The following TGFB1 variants were observed in gnomAD, a reference collection of about 807,000 sequenced individuals.
TGFB1 encodes transforming growth factor beta 1.
Under a neutral mutation model 43.8 loss-of-function variants are expected in TGFB1, and 19 were observed. That is an observed-to-expected ratio of 0.43 (90% CI 0.30 to 0.64). TGFB1 has a LOEUF of 0.64. Among genes scored for constraint, TGFB1 ranks in the 30% least tolerant of loss-of-function variants. The pLI is 0.11. For synonymous variants in TGFB1, 221 were observed against 236.3 expected, an observed-to-expected ratio of 0.94 and a Z score of 0.60; for missense variants, 445 against 529.8, an observed-to-expected ratio of 0.84 and a Z score of 1.57.
intron 5 of TGFB1, among the ~76,000 whole-genome samples, chr19:41,338,969 C>T (rs1053465019): frequency 2.7e-5 from 4 of 150,122 alleles, no homozygotes; most frequent in Admixed American, 6.7e-5. Context: ...ATGGGGGGTA[C>T]GTGTGTGTGT....
intron 1 of TGFB1, 87 bp downstream of exon 1, chr19:41,352,603 T>G (rs891852077): frequency 2.7e-6 from 4 of 1,493,644 alleles, no homozygotes; most frequent in Non-Finnish European, 2.7e-6. Context: ...GCCAGTTTCT[T>G]CTGCCAGTCA....
chr19:41,341,189 G>A (rs543019063), intron 5 of TGFB1, among the ~76,000 whole-genome samples: 37 of 152,100 alleles, frequency 2.4e-4, no homozygotes, highest in African/African-American at 8.0e-4. Context: ...AAATTAGGCC[G>A]GGCGCGTTGG....
At position 41,331,026 on chromosome 19, in the gene TGFB1, G is replaced by A. The variant is rs1396864756; in HGVS notation, c.*26C>T. ...GGGGCGGGGTGGGGCCGGGCCTGCCGGGGCGGGGCGGGGCGGGGCGGGACC... is the reference window on the plus strand; with the variant it reads ...GGGGCGGGGTGGGGCCGGGCCTGCCAGGGCGGGGCGGGGCGGGGCGGGACC... On this transcript the variant is annotated 3_prime_UTR_variant, in exon 7 of 7. Coordinates refer to ENST00000221930, the MANE Select transcript of TGFB1 (RefSeq NM_000660.7). 4.0e-5 allele frequency: 59 copies of A among 1,480,534 alleles called. No individual in the cohort carries two copies. Among genetic ancestry groups the A allele is most frequent in the Non-Finnish European group, 5.0e-5 (56 of 1,112,076 alleles). The allele number at this position is 1,480,534 out of a possible 1,614,324, so 91.7% of individuals were successfully genotyped here.
intron 2 of TGFB1, among the ~76,000 whole-genome samples, chr19:41,346,011 C>CT (rs752046778): frequency 1.1e-4 from 17 of 152,086 alleles, no homozygotes; most frequent in Admixed American, 2.0e-4. Flanking sequence ...ACCCAAGAGT[C>CT]TGCCATGCCG....
At chr19:41,348,232 C>A in intron 2 of TGFB1, 63 bp downstream of exon 2, 1 of 1,600,674 alleles carries the variant, frequency 6.2e-7, no homozygotes, top group Admixed American at 1.7e-5. Flanking sequence ...ACAGCCACCC[C>A]CTTGGTCACA....
chr19:41,331,552 G>A (rs541934757), intron 6 of TGFB1, among the ~76,000 whole-genome samples: 208 of 138,006 alleles, frequency 1.5e-3, no homozygotes, highest in African/African-American at 5.4e-3. Context: ...ACAGGCAAGC[G>A]CCACCACTCC....
Position 41,342,174 on chromosome 19 carries a change from G to C in TGFB1, c.708C>G (p.Ile236Met). The C allele has an allele frequency of 6.2e-7, 1 of 1,609,750 alleles. No homozygotes were observed. Among genetic ancestry groups the C allele is most frequent in the South Asian group, 1.1e-5 (1 of 90,290 alleles). The change falls in exon 4 of 7, where the codon ATC becomes ATG. Residue 236 changes from isoleucine to methionine, a missense_variant. Physicochemically the swap from Ile to Met is conservative, Grantham distance 10. Coordinates refer to ENST00000221930, the MANE Select transcript of TGFB1 (RefSeq NM_000660.7). ...GGCCGGGGAAGCAGGCCTCACCGTTGATGTCCACTTGCAGTGTGTTATCCC... is the reference window on the plus strand; with the variant it reads ...GGCCGGGGAAGCAGGCCTCACCGTTCATGTCCACTTGCAGTGTGTTATCCC... ...DSRDNTLQVD[I>M]NGFTTGRRGD...
rs2038061009 is a variant in TGFB1 at position 41,341,989 on chromosome 19, C to T, written c.754G>A (p.Gly252Ser). The T allele has an allele frequency of 6.2e-7, 1 of 1,614,096 alleles. No individual in the cohort carries two copies. Among genetic ancestry groups the T allele is most frequent in the Non-Finnish European group, 8.5e-7 (1 of 1,180,050 alleles). Reference protein sequence around the residue: ...GRRGDLATIHGMNRPFLLLMA... With the variant: ...GRRGDLATIHSMNRPFLLLMA... ...AGAAGCAGGAAAGGCCGGTTCATGC[C>T]ATGAATGGTGGCCAGGTCACCTCGG... The change falls in exon 5 of 7, where the codon GGC becomes AGC. Residue 252 changes from glycine to serine, a missense_variant. Physicochemically the swap from Gly to Ser is moderately conservative, Grantham distance 56. Around this residue, in one of 3 missense-constraint regions of TGFB1, gnomAD observed 366 missense variants for 428.8 expected, o/e 0.85. Transcript: ENST00000221930.
chr19:41,350,661 A>G (rs1026604798), intron 1 of TGFB1, among the ~76,000 whole-genome samples: 1 of 152,210 alleles, frequency 6.6e-6, no homozygotes, highest in Admixed American at 6.5e-5. Context: ...GGAACAGGCC[A>G]TGAACTGCTG....
intron 5 of TGFB1, among the ~76,000 whole-genome samples, chr19:41,337,202 C>G (rs555271407): frequency 6.6e-6 from 1 of 151,966 alleles, no homozygotes; most frequent in Admixed American, 6.6e-5. Flanking sequence ...AGTGCAATGG[C>G]GCGACCTCGG....
chr19:41,352,506 T>A (rs2038216347), intron 1 of TGFB1, among the ~76,000 whole-genome samples, 184 bp downstream of exon 1: 2 of 152,028 alleles, frequency 1.3e-5, no homozygotes, highest in African/African-American at 4.8e-5. Flanking sequence ...GACACCTGGG[T>A]GGTAGGGGGC....
chr19:41,352,573 C>T, intron 1 of TGFB1, 117 bp downstream of exon 1: 1 of 1,256,582 alleles, frequency 8.0e-7, no homozygotes, highest in Non-Finnish European at 1.1e-6. Flanking sequence ...CCCTTTGCCC[C>T]GGGGTGTCCT....
At position 41,330,930 on chromosome 19, in the gene TGFB1, A is replaced by T; in HGVS notation, c.*122T>A. 1.1e-6 allele frequency: 1 copy of T among 873,994 alleles called. No individual in the cohort carries two copies. The highest frequency in any genetic ancestry group is 1.6e-6 in the Non-Finnish European group (1 of 610,584). The allele number at this position is 873,994 out of a possible 1,614,324, so 54.1% of individuals were successfully genotyped here. A position where few individuals can be genotyped will look rare whatever the true frequency, so the allele number is the denominator to read the frequency against. On this transcript the variant is annotated 3_prime_UTR_variant, in exon 7 of 7. Coordinates refer to ENST00000221930, the MANE Select transcript of TGFB1 (RefSeq NM_000660.7). ...GATCCGCAGTCCTCTCTCCATCTTT[A>T]ATGGGGCCCCAGGTGGGCTTGGGGC...
rs546927712 is a variant in TGFB1, at chr19:41,342,014, G to C, written c.729C>G (p.Arg243=). 1.2e-6 allele frequency: 2 copies of C among 1,614,200 alleles called. No homozygotes were observed. The highest frequency in any genetic ancestry group is 2.2e-5 in the East Asian group (1 of 44,890). The change falls in exon 5 of 7, where the codon CGC becomes CGG. Residue 243 remains arginine (R), a synonymous_variant. Coordinates refer to ENST00000221930, the MANE Select transcript of TGFB1 (RefSeq NM_000660.7). ...QVDINGFTTG[R]RGDLATIHGM... is the part of the protein sequence containing the mutation. ...CATGAATGGTGGCCAGGTCACCTCG[G>C]CGGCCGGTAGTGAACCCTGCTTTGG... is the stretch of plus-strand genomic sequence containing the variant.
chr19:41,340,938 C>T (rs1379554109), intron 5 of TGFB1, among the ~76,000 whole-genome samples: 1 of 152,164 alleles, frequency 6.6e-6, no homozygotes, highest in Non-Finnish European at 1.5e-5. Flanking sequence ...AGAACCTCAA[C>T]CTGCCAACAA....
At chr19:41,341,837 T>C (rs754432925) in intron 5 of TGFB1, 46 bp downstream of exon 5, 52 of 1,611,616 alleles carry the variant, frequency 3.2e-5, no homozygotes, top group Admixed American at 1.8e-4. Flanking sequence ...CAGATGGCAG[T>C]CATGCCCCCA....
At chr19:41,340,263 T>C (rs1218471511) in intron 5 of TGFB1, among the ~76,000 whole-genome samples, 34 of 148,946 alleles carry the variant, frequency 2.3e-4, no homozygotes, top group African/African-American at 6.9e-4. Flanking sequence ...TTTTTTTTTT[T>C]TTTTTTTTTT....
At chr19:41,344,605 T>A in intron 3 of TGFB1, 142 bp downstream of exon 3, 2 of 755,274 alleles carry the variant, frequency 2.6e-6, no homozygotes, top group Non-Finnish European at 4.7e-6. Flanking sequence ...CACTCAGGTT[T>A]CCATGCCACA....
rs1302567272 is a variant in TGFB1 at position 41,341,898 on chromosome 19, G to A, written c.845C>T (p.Thr282Ile). 5 of 1,613,736 alleles carry A rather than the reference G, an allele frequency of 3.1e-6. No individual in the cohort carries two copies. The highest frequency in any genetic ancestry group is 1.1e-5 in the South Asian group (1 of 91,062). The change falls in exon 5 of 7, where the codon ACC becomes ATC. Residue 282 changes from threonine to isoleucine, a missense_variant. Thr to Ile is a moderately conservative substitution (Grantham distance 89, BLOSUM62 -1). Coordinates refer to ENST00000221930, the MANE Select transcript of TGFB1 (RefSeq NM_000660.7). ...CAAGGCTCACCTGAAGCAATAGTTGGTGTCCAGGGCTCGGCGGTGCCGGGA... is the reference window on the plus strand; with the variant it reads ...CAAGGCTCACCTGAAGCAATAGTTGATGTCCAGGGCTCGGCGGTGCCGGGA... ...QSSRHRRALD[T>I]NYCFSSTEKN...
Sources: allele counts gnomAD v4.1 joint callset (sites outside exome capture counted in the v4.1 genomes callset), GRCh38; gene constraint gnomAD v4.1.1; regional missense constraint gnomAD v4.1.1; transcripts MANE v1.5; gene names NCBI Gene and HGNC (gene_info 2026-07-23, HGNC 2026-07-21).